Variants in MGMT observed in about 807,000 individuals in gnomAD.
MGMT encodes the protein methylated-DNA--protein-cysteine methyltransferase.
In MGMT, 14 loss-of-function variants were observed where a neutral mutation model predicts 15.9. The observed-to-expected ratio is 0.88, with a 90% CI of 0.58 to 1.37. The LOEUF (loss-of-function observed/expected upper bound fraction) is 1.37. MGMT is among the 40% of genes most tolerant of loss of function. MGMT has a pLI of 0.00. For missense variants in MGMT, 282 were observed against 268.1 expected (o/e 1.05, Z -0.36); for synonymous variants, 130 against 118.2 (o/e 1.10, Z -0.65).
At chr10:129,746,337 T>C (rs1463529069) in intron 3 of MGMT, among the ~76,000 whole-genome samples, 2 of 151,790 alleles carry the variant, frequency 1.3e-5, no homozygotes, top group African/African-American at 2.4e-5. Context: ...GAAGTTCAAT[T>C]TATCTCTCTC....
chr10:129,553,693 G>A (rs190054008), intron 2 of MGMT, among the ~76,000 whole-genome samples: 35 of 152,320 alleles, frequency 2.3e-4, no homozygotes, highest in African/African-American at 7.5e-4. Context: ...ATCAGTCCTG[G>A]AGGCACAAGG....
chr10:129,680,564 C>A (rs4751109), intron 2 of MGMT, among the ~76,000 whole-genome samples: 16,512 of 140,430 alleles, frequency 0.12, 1,150 homozygotes, highest in Non-Finnish European at 0.16. Flanking sequence ...ATCCACCCAC[C>A]ACTCCTTAAG....
intron 1 of MGMT, among the ~76,000 whole-genome samples, chr10:129,518,702 G>C (rs1039106521): frequency 6.8e-6 from 1 of 146,998 alleles, no homozygotes; most frequent in African/African-American, 2.5e-5. Context: ...TTATTTTACT[G>C]TAAGAATACA....
chr10:129,504,041 G>T (rs1684296258), intron 1 of MGMT, among the ~76,000 whole-genome samples: 1 of 152,148 alleles, frequency 6.6e-6, no homozygotes, highest in Non-Finnish European at 1.5e-5. Context: ...TTCGTAATCT[G>T]CCTTTTACAT....
chr10:129,728,916 T>C (rs893184574), intron 3 of MGMT, among the ~76,000 whole-genome samples: 6 of 152,156 alleles, frequency 3.9e-5, no homozygotes, highest in African/African-American at 1.4e-4. Context: ...AAGGGACTAA[T>C]TGGTAAATCT....
rs541825101 is a variant in MGMT at position 129,508,826 on chromosome 10, C to T, written c.-12-27415C>T. ...CCTCCCAAAGTGCTGGGATTACAGG[C>T]ATGAGCCACCAGGCCTGGCCAGATT... On this transcript the variant is annotated intron_variant, in intron 1 of 4. Transcript: ENST00000651593. Among the ~76,000 whole-genome samples, 59 of 152,210 alleles carry T rather than the reference C, an allele frequency of 3.9e-4. No homozygotes were observed. In the South Asian group the frequency reaches 0.012, roughly 30 times the overall value.
At chr10:129,565,542 C>T (rs1434949580) in intron 2 of MGMT, among the ~76,000 whole-genome samples, 1 of 152,130 alleles carries the variant, frequency 6.6e-6, no homozygotes, top group African/African-American at 2.4e-5. Context: ...AAAATATTGA[C>T]ATTTAGTAGT....
At chr10:129,517,601 T>C (rs1216115492) in intron 1 of MGMT, among the ~76,000 whole-genome samples, 1 of 152,206 alleles carries the variant, frequency 6.6e-6, no homozygotes, top group Non-Finnish European at 1.5e-5. Flanking sequence ...GCGCTGGGGC[T>C]CACCTGTCTC....
At chr10:129,502,047 G>C (rs1487590464) in intron 1 of MGMT, among the ~76,000 whole-genome samples, 1 of 152,246 alleles carries the variant, frequency 6.6e-6, no homozygotes, top group Non-Finnish European at 1.5e-5. Context: ...AAGCTTGCAT[G>C]AATCAAGGCC....
chr10:129,551,721 A>C (rs1338455223), intron 2 of MGMT, among the ~76,000 whole-genome samples: 1 of 152,138 alleles, frequency 6.6e-6, no homozygotes, highest in East Asian at 1.9e-4. Context: ...AGACCCCACC[A>C]CTGGGTGCAG....
intron 1 of MGMT, 100 bp downstream of exon 1, chr10:129,467,396 G>A: frequency 4.3e-6 from 6 of 1,388,386 alleles, no homozygotes; most frequent in East Asian, 6.1e-5. Context: ...CTTCGCCGTC[G>A]GGTGTGGGGC....
At chr10:129,551,182 A>T (rs961694727) in intron 2 of MGMT, among the ~76,000 whole-genome samples, 1 of 152,248 alleles carries the variant, frequency 6.6e-6, no homozygotes, top group Non-Finnish European at 1.5e-5. Flanking sequence ...ATCTTTAGTA[A>T]AAACAGGACC....
intron 3 of MGMT, among the ~76,000 whole-genome samples, chr10:129,739,622 A>C (rs1384670850): frequency 1.3e-5 from 2 of 151,996 alleles, no homozygotes; most frequent in African/African-American, 2.4e-5. Flanking sequence ...ACCAGGTCAG[A>C]ACTCCCCTAC....
At chr10:129,583,280 CT>C (rs1450176429) in intron 2 of MGMT, among the ~76,000 whole-genome samples, 2 of 152,150 alleles carry the variant, frequency 1.3e-5, no homozygotes, top group African/African-American at 4.8e-5. Flanking sequence ...AACAATTATT[CT>C]AAAATCAACA....
chr10:129,563,420 C>G (rs760090395), intron 2 of MGMT, among the ~76,000 whole-genome samples: 8 of 152,242 alleles, frequency 5.3e-5, no homozygotes, highest in Non-Finnish European at 7.4e-5. Flanking sequence ...GTGGCTCTCC[C>G]TGGTCAGTAT....
chr10:129,652,856 G>A (rs1000857374), intron 2 of MGMT, among the ~76,000 whole-genome samples: 1 of 152,230 alleles, frequency 6.6e-6, no homozygotes, highest in African/African-American at 2.4e-5. Context: ...AGCTGTGGCC[G>A]CAGTCTCCAC....
chr10:129,559,765 G>A (rs146522197), intron 2 of MGMT, among the ~76,000 whole-genome samples: 1 of 151,976 alleles, frequency 6.6e-6, no homozygotes, highest in African/African-American at 2.4e-5. Context: ...ATTTTATTAG[G>A]TCCTTTTAAA....
chr10:129,570,627 A>G (rs1230709039), intron 2 of MGMT, among the ~76,000 whole-genome samples: 2 of 152,380 alleles, frequency 1.3e-5, no homozygotes, highest in East Asian at 3.9e-4. Flanking sequence ...TATCTGGCAG[A>G]TATTACCTAC....
intron 2 of MGMT, among the ~76,000 whole-genome samples, chr10:129,564,614 CTCCTCCTCCCCTGCT>C (rs1157894860): frequency 9.7e-5 from 8 of 82,204 alleles, no homozygotes; most frequent in African/African-American, 3.4e-4. Flanking sequence ...CCTCCCCCTC[CTCCTCCTCCCCTGCT>C]TCCCCTCCTC....
Sources: gnomAD v4.1 joint callset for allele counts (sites outside exome capture counted in the v4.1 genomes callset) on GRCh38, gnomAD v4.1.1 for gene constraint, MANE v1.5 for transcripts, NCBI Gene and HGNC (gene_info 2026-07-23, HGNC 2026-07-21) for gene names.